ACLY: variants seen among roughly 807,000 people sequenced by gnomAD.
ACLY encodes the protein ATP-citrate synthase.
In ACLY, 41 loss-of-function variants were observed where a neutral mutation model predicts 133.0. That is an observed-to-expected ratio of 0.31 (90% confidence interval 0.24 to 0.40). The LOEUF is 0.40. Ranked by LOEUF, ACLY falls within the 10% of genes least tolerant of loss-of-function variation. The pLI is 1.00. For synonymous variants in ACLY, 495 were observed against 549.3 expected, an observed-to-expected ratio of 0.90 and a Z score of 1.38; for missense variants, 1,046 against 1,453.8, an observed-to-expected ratio of 0.72 and a Z score of 4.56.
intron 23 of ACLY, among the ~76,000 whole-genome samples, chr17:41,872,909 C>T (rs1555625375): frequency 6.6e-6 from 1 of 152,116 alleles, no homozygotes; most frequent in African/African-American, 2.4e-5. Flanking sequence ...GGTGTTATAA[C>T]CCGTGAACTT....
intron 6 of ACLY, among the ~76,000 whole-genome samples, chr17:41,908,489 C>T (rs1272780831): frequency 3.3e-5 from 5 of 152,188 alleles, no homozygotes; most frequent in Non-Finnish European, 4.4e-5. Context: ...TCTGGCCGGG[C>T]GTGGTGGCTC....
At chr17:41,884,324 G>T (rs1309743915) in intron 18 of ACLY, 50 bp from the exon 19 acceptor site, 19 of 1,272,800 alleles carry the variant, frequency 1.5e-5, no homozygotes, top group Non-Finnish European at 2.2e-5. Flanking sequence ...GAGGCCTGGG[G>T]AAGTGTGTAC....
intron 1 of ACLY, among the ~76,000 whole-genome samples, chr17:41,915,401 T>C (rs1225594910): frequency 2.0e-5 from 3 of 152,182 alleles, no homozygotes. Flanking sequence ...CCGGCTTGTT[T>C]ACACGTGCTG....
chr17:41,925,025 G>A (rs2050225736), intron 1 of ACLY, among the ~76,000 whole-genome samples: 1 of 106,678 alleles, frequency 9.4e-6, no homozygotes, highest in African/African-American at 2.9e-5. Flanking sequence ...ATCTCTGAAT[G>A]AGTTTATTAT....
At chr17:41,927,913 G>C (rs1555636156) in intron 1 of ACLY, among the ~76,000 whole-genome samples, 1 of 151,888 alleles carries the variant, frequency 6.6e-6, no homozygotes, top group Non-Finnish European at 1.5e-5. Context: ...GCGGTGGGAG[G>C]ATTGCTTGAG....
At chr17:41,918,770 C>T in intron 1 of ACLY, 110 bp downstream of exon 1, 1 of 1,228,850 alleles carries the variant, frequency 8.1e-7, no homozygotes, top group Non-Finnish European at 1.1e-6. Context: ...GAGCAGGGCG[C>T]GTGGGCACCG....
At chr17:41,923,103 G>A (rs1472452707), upstream of ACLY, among the ~76,000 whole-genome samples, 2 of 152,220 alleles carry the variant, frequency 1.3e-5, no homozygotes, top group South Asian at 2.1e-4. Flanking sequence ...AGGCCAAGGC[G>A]GGTGGACTGC....
At chr17:41,881,954 ATG>A (rs2048928392) in intron 20 of ACLY, among the ~76,000 whole-genome samples, 1 of 152,186 alleles carries the variant, frequency 6.6e-6, no homozygotes, top group South Asian at 2.1e-4. Context: ...CTTACAGGTA[ATG>A]TATCTTAAAC....
At chr17:41,920,515 C>T (rs537785419), upstream of ACLY, among the ~76,000 whole-genome samples, 27 of 149,942 alleles carry the variant, frequency 1.8e-4, no homozygotes, top group South Asian at 4.2e-4. Context: ...CGCTTAAACC[C>T]GGGAGGTGGA....
chr17:41,884,643 G>C (rs890127680), intron 18 of ACLY, among the ~76,000 whole-genome samples: 1 of 152,114 alleles, frequency 6.6e-6, no homozygotes, highest in Non-Finnish European at 1.5e-5. Flanking sequence ...CCAGCACTTT[G>C]GGAGGCCCAG....
intron 28 of ACLY, 30 bp from the exon 29 acceptor site, chr17:41,867,934 T>TA: frequency 6.6e-7 from 1 of 1,504,264 alleles, no homozygotes; most frequent in African/African-American, 1.4e-5. Context: ...TCTTTTTTAT[T>TA]AGAGCTTCAT....
At chr17:41,920,002 G>A (rs1256771238), upstream of ACLY, among the ~76,000 whole-genome samples, 1 of 152,176 alleles carries the variant, frequency 6.6e-6, no homozygotes, top group Non-Finnish European at 1.5e-5. Flanking sequence ...CTCCAGGAAG[G>A]AGGCCAAAAG....
rs1555632715 is a variant in ACLY, at chr17:41,906,581, G to A, written c.813C>T (p.Pro271=). The A allele has an allele frequency of 2.5e-6, 4 of 1,614,054 alleles. No individual in the cohort carries two copies. Among genetic ancestry groups the A allele is most frequent in the Non-Finnish European group, 8.5e-7 (1 of 1,180,034 alleles). ...CCACCATGGTCCAGATCCTCCCTTTGGGGTTCAGCAAGGTCAGCTTCAGGC... is the reference window on the plus strand; with the variant it reads ...CCACCATGGTCCAGATCCTCCCTTTAGGGTTCAGCAAGGTCAGCTTCAGGC... The part of the protein sequence containing the change: ...GASLKLTLLN[P]KGRIWTMVAG... Residue 271 remains proline (P), a synonymous_variant, in exon 8 of 29, where the codon CCC becomes CCT. Coordinates refer to ENST00000352035, the MANE Select transcript of ACLY (RefSeq NM_001096.3).
intron 6 of ACLY, 40 bp downstream of exon 6, chr17:41,908,949 T>C (rs1555633126): frequency 6.5e-7 from 1 of 1,540,670 alleles, no homozygotes; most frequent in South Asian, 1.1e-5. Flanking sequence ...TCATAGGCAC[T>C]GGGACCCTTG....
chr17:41,918,935 A>T lies in ACLY; in HGVS notation c.-79T>A. ...CCACAGGCCCGACGAACCCCGCAAA[A>T]TCCGGAGCACCCCAGCAGCCGGTAG... On this transcript the variant is annotated 5_prime_UTR_variant, in exon 1 of 29. Coordinates refer to ENST00000352035, the MANE Select transcript of ACLY (RefSeq NM_001096.3). 7.0e-6 allele frequency: 9 copies of T among 1,289,038 alleles called. No individual in the cohort carries two copies. Among genetic ancestry groups the T allele is most frequent in the Non-Finnish European group, 8.1e-6 (8 of 988,572 alleles). 79.9% of individuals were successfully genotyped at this position (1,289,038 alleles called of 1,614,324 possible).
At chr17:41,877,973 C>G in intron 22 of ACLY, 130 bp downstream of exon 22, 1 of 465,582 alleles carries the variant, frequency 2.1e-6, no homozygotes, top group Non-Finnish European at 3.7e-6. Flanking sequence ...AGTTCTGTCC[C>G]TCTAAGAGAT....
Position 41,913,775 on chromosome 17 carries a change from C to A in ACLY, c.99G>T (p.Arg33=). Residue 33 remains arginine (R), a synonymous_variant, in exon 2 of 29, where the codon CGG becomes CGT. Coordinates refer to ENST00000352035, the MANE Select transcript of ACLY (RefSeq NM_001096.3). The part of the protein sequence containing the change: ...SAIQNRFKYA[R]VTPDTDWARL... The stretch of plus-strand genomic sequence containing the variant: ...GGGCCCAGTCTGTGTCAGGAGTGAC[C>A]CGAGCATACTTGAACCGATTCTGGA... The A allele has an allele frequency of 6.2e-7, 1 of 1,614,188 alleles. No individual in the cohort carries two copies. The highest frequency in any genetic ancestry group is 8.5e-7 in the Non-Finnish European group (1 of 1,180,046).
intron 14 of ACLY, 137 bp from the exon 15 acceptor site, chr17:41,893,311 A>C: frequency 2.7e-5 from 28 of 1,025,378 alleles, no homozygotes; most frequent in Non-Finnish European, 3.3e-5. Flanking sequence ...AAGGAATGTC[A>C]AGAGGACAGA....
chr17:41,875,060 G>C (rs926183064), intron 22 of ACLY, among the ~76,000 whole-genome samples: 1 of 151,958 alleles, frequency 6.6e-6, no homozygotes, highest in African/African-American at 2.4e-5. Context: ...TAACAATAAC[G>C]TAATGGGGCA....
Sources: allele counts gnomAD v4.1 joint callset (sites outside exome capture counted in the v4.1 genomes callset), GRCh38; gene constraint gnomAD v4.1.1; transcripts MANE v1.5; gene names NCBI Gene and HGNC (gene_info 2026-07-23, HGNC 2026-07-21).